Variants in IL7 observed in about 807,000 individuals in gnomAD.
IL7 encodes the protein interleukin-7.
IL7 carries 3 observed loss-of-function variants against 21.6 expected under a neutral mutation model. That is an observed-to-expected ratio of 0.14 (90% CI 0.06 to 0.36). The LOEUF (loss-of-function observed/expected upper bound fraction) is 0.36. Among genes scored for constraint, IL7 ranks in the 10% least tolerant of loss-of-function variants. IL7 has a pLI of 1.00. For missense variants in IL7, 175 were observed against 200.2 expected (o/e 0.87, Z 0.76); for synonymous variants, 62 against 68.1 (o/e 0.91, Z 0.44).
At chr8:78,775,338 A>T (rs1251294499) in intron 2 of IL7, among the ~76,000 whole-genome samples, 1 of 152,066 alleles carries the variant, frequency 6.6e-6, no homozygotes, top group Non-Finnish European at 1.5e-5. Context: ...TACGTCACAA[A>T]ATTATACATA....
chr8:78,743,540 C>A (rs1811871262), intron 2 of IL7, among the ~76,000 whole-genome samples: 1 of 151,194 alleles, frequency 6.6e-6, no homozygotes, highest in Non-Finnish European at 1.5e-5. Context: ...CTCTGAAATT[C>A]TTTCCTCTGT....
At chr8:78,762,118 T>C (rs1306441207) in intron 2 of IL7, 6 of 1,597,030 alleles carry the variant, frequency 3.8e-6, no homozygotes, top group South Asian at 1.1e-5. Context: ...TCAGTTCTTT[T>C]ATTCGTTTTC....
At chr8:78,731,654 C>CT (rs1483611338), downstream of IL7, among the ~76,000 whole-genome samples, 6 of 151,920 alleles carry the variant, frequency 3.9e-5, no homozygotes, top group Admixed American at 3.9e-4. Context: ...AGATAAATCT[C>CT]TAATTGTGGA....
chr8:78,695,800 T>A (rs1261687276), intron 3 of IL7, among the ~76,000 whole-genome samples: 1 of 152,168 alleles, frequency 6.6e-6, no homozygotes, highest in Admixed American at 6.5e-5. Flanking sequence ...GTTTTGGTTT[T>A]CTATTTTTCA....
At chr8:78,751,527 A>G (rs902783466) in intron 2 of IL7, among the ~76,000 whole-genome samples, 1 of 152,212 alleles carries the variant, frequency 6.6e-6, no homozygotes, top group Non-Finnish European at 1.5e-5. Context: ...GGAAAATTAC[A>G]TAAGTTAGAA....
chr8:78,799,176 T>G lies in IL7; in HGVS notation c.11-968A>C, dbSNP rs554025722. 1.8e-4 allele frequency among the ~76,000 whole-genome samples: 28 copies of G among 152,266 alleles called. No homozygotes were observed. The South Asian group carries it at 2.9e-3, about 16-fold the overall frequency. ...TTCCTGTGAATTTCCCAAATGAACT[T>G]CAATTGTACTTGAATGCAAGATATT... On this transcript the variant is annotated intron_variant, in intron 1 of 5. Transcript: ENST00000263851.
intron 3 of IL7, among the ~76,000 whole-genome samples, chr8:78,699,422 C>T (rs1392177417): frequency 6.6e-6 from 1 of 152,002 alleles, no homozygotes; most frequent in Non-Finnish European, 1.5e-5. Flanking sequence ...TTTACATATA[C>T]TGGTTCAGTT....
intron 3 of IL7, among the ~76,000 whole-genome samples, chr8:78,692,553 CT>C (rs1810245084): frequency 6.6e-6 from 1 of 151,988 alleles, no homozygotes; most frequent in Non-Finnish European, 1.5e-5. Context: ...AGTGTTTTTA[CT>C]TTCTTTCCTT....
chr8:78,689,398 A>G (rs769378447), intron 3 of IL7: 22 of 1,535,818 alleles, frequency 1.4e-5, no homozygotes, highest in South Asian at 2.6e-5. Context: ...AATAATTGCT[A>G]TAAACGAGAA....
intron 2 of IL7, among the ~76,000 whole-genome samples, chr8:78,767,914 C>A (rs1586086175): frequency 6.6e-6 from 1 of 152,010 alleles, no homozygotes; most frequent in Admixed American, 6.6e-5. Flanking sequence ...AAAGCTATCC[C>A]TCCCCCTCCC....
chr8:78,752,258 T>C (rs1812199971), intron 2 of IL7, among the ~76,000 whole-genome samples: 1 of 152,214 alleles, frequency 6.6e-6, no homozygotes, highest in Admixed American at 6.5e-5. Flanking sequence ...GTCCCTTTAA[T>C]AGACTGATTT....
chr8:78,697,927 C>G (rs555839525), intron 3 of IL7, among the ~76,000 whole-genome samples: 3 of 152,148 alleles, frequency 2.0e-5, no homozygotes, highest in Non-Finnish European at 4.4e-5. Context: ...ATCCCCCAAC[C>G]TGAGCCTCCT....
At chr8:78,686,127 G>A (rs10102877) in intron 3 of IL7, among the ~76,000 whole-genome samples, 83,651 of 151,994 alleles carry the variant, frequency 0.55, 25,416 homozygotes, top group South Asian at 0.71. Context: ...TCCCCACCTC[G>A]TACTACTGTT....
intron 2 of IL7, among the ~76,000 whole-genome samples, chr8:78,743,454 A>G (rs1208122762): frequency 6.7e-6 from 1 of 149,470 alleles, no homozygotes; most frequent in Non-Finnish European, 1.5e-5. Flanking sequence ...ATGGTATTCC[A>G]TATTTCTCGG....
chr8:78,719,599 T>C (rs1811200930), intron 5 of IL7: 2 of 151,802 alleles, frequency 1.3e-5, no homozygotes, highest in Admixed American at 1.3e-4. Context: ...AAAAGATGAT[T>C]GTAAGATTAA....
At chr8:78,800,356 G>C (rs1814011642) in intron 1 of IL7, among the ~76,000 whole-genome samples, 1 of 152,044 alleles carries the variant, frequency 6.6e-6, no homozygotes, top group Non-Finnish European at 1.5e-5. Context: ...GGAGTGCAGT[G>C]GCATGATCAT....
chr8:78,796,668 T>C (rs546890599), intron 2 of IL7, among the ~76,000 whole-genome samples: 1 of 152,152 alleles, frequency 6.6e-6, no homozygotes, highest in African/African-American at 2.4e-5. Flanking sequence ...CAACATTGTA[T>C]GTCATTATGG....
intron 2 of IL7, among the ~76,000 whole-genome samples, chr8:78,790,041 C>T (rs538090147): frequency 6.6e-6 from 1 of 152,100 alleles, no homozygotes; most frequent in Non-Finnish European, 1.5e-5. Context: ...GCTGTCAGTG[C>T]AAAGACAGAA....
intron 3 of IL7, among the ~76,000 whole-genome samples, chr8:78,707,838 T>G (rs1810823540): frequency 7.6e-6 from 1 of 132,308 alleles, no homozygotes; most frequent in Non-Finnish European, 1.6e-5. Flanking sequence ...AGTGACAGAG[T>G]TCCTTCCTTT....
Sources: gnomAD v4.1 joint callset for allele counts (sites outside exome capture counted in the v4.1 genomes callset) on GRCh38, gnomAD v4.1.1 for gene constraint, MANE v1.5 for transcripts, NCBI Gene and HGNC (gene_info 2026-07-23, HGNC 2026-07-21) for gene names.